BTBD1: variants seen among roughly 807,000 people sequenced by gnomAD.
BTBD1 encodes the protein BTB/POZ domain-containing protein 1.
Under a neutral mutation model 48.0 loss-of-function variants are expected in BTBD1, and 34 were observed. The ratio of observed to expected loss-of-function variants is 0.71; its 90% CI spans 0.54 to 0.94. The LOEUF is 0.94. Among genes scored for constraint, BTBD1 ranks in the 40% least tolerant of loss-of-function variants. BTBD1 has a pLI of 0.00. For synonymous variants in BTBD1, 261 were observed against 242.1 expected, an observed-to-expected ratio of 1.08 and a Z score of -0.72; for missense variants, 543 against 625.6, an observed-to-expected ratio of 0.87 and a Z score of 1.41.
At chr15:83,043,283 A>G (rs759283210) in intron 3 of BTBD1, among the ~76,000 whole-genome samples, 12 of 152,232 alleles carry the variant, frequency 7.9e-5, no homozygotes, top group Admixed American at 2.6e-4. Context: ...CTCTCATATT[A>G]AAGTGTGCCT....
At chr15:83,042,201 T>G (rs2032773930) in intron 3 of BTBD1, among the ~76,000 whole-genome samples, 1 of 151,618 alleles carries the variant, frequency 6.6e-6, no homozygotes, top group Non-Finnish European at 1.5e-5. Context: ...ATTTATCAAG[T>G]AAACTCAACT....
chr15:83,021,640 G>C (rs745671138), intron 5 of BTBD1, among the ~76,000 whole-genome samples: 1 of 152,002 alleles, frequency 6.6e-6, no homozygotes, highest in Non-Finnish European at 1.5e-5. Flanking sequence ...TGTAATCCCA[G>C]CTACTAGAGA....
At chr15:83,066,445 C>T (rs929237791) in intron 1 of BTBD1, among the ~76,000 whole-genome samples, 1 of 152,224 alleles carries the variant, frequency 6.6e-6, no homozygotes, top group Non-Finnish European at 1.5e-5. Context: ...ATCCTTGCCA[C>T]TTGTCTAATT....
intron 4 of BTBD1, among the ~76,000 whole-genome samples, chr15:83,033,064 C>T (rs2032555662): frequency 6.6e-6 from 1 of 150,658 alleles, no homozygotes; most frequent in Non-Finnish European, 1.5e-5. Context: ...AAATATCCTT[C>T]AAAAATGAAG....
chr15:83,066,141 TAAAA>T (rs543741856), intron 1 of BTBD1, among the ~76,000 whole-genome samples: 1 of 151,048 alleles, frequency 6.6e-6, no homozygotes, highest in South Asian at 2.1e-4. Flanking sequence ...AAAATAAAAA[TAAAA>T]AAAATTAGCC....
chr15:83,028,416 T>TA lies in BTBD1; in HGVS notation c.1055+1719dup, dbSNP rs1194853379. On this transcript the variant is annotated intron_variant, in intron 5 of 7. Transcript: ENST00000261721. The stretch of plus-strand genomic sequence containing the variant: ...TAAACTCTGTTTGGTCATACAGTGT[T>TA]ATTCTTCGAAGGTACAGATTCAATA... Among the ~76,000 whole-genome samples the TA allele has an allele frequency of 5.9e-5, 9 of 152,342 alleles. No homozygotes were observed. The South Asian group carries it at 1.9e-3, about 32-fold the overall frequency.
chr15:83,067,026 C>T lies in BTBD1; in HGVS notation c.126G>A (p.Arg42=), dbSNP rs762511924. 1.9e-6 allele frequency: 3 copies of T among 1,582,966 alleles called. 1 individual carries two copies. Among genetic ancestry groups the T allele is most frequent in the South Asian group, 2.3e-5 (2 of 88,528 alleles). ...SSLGPLLPLQ[R]EPLYNWQATK... is the part of the protein sequence containing the mutation. ...TCGCCTGCCAGTTGTAGAGAGGTTC[C>T]CGCTGCAGGGGGAGCAGGGGCCCCA... The change falls in exon 1 of 8, where the codon CGG becomes CGA. Residue 42 remains arginine, a synonymous_variant. Coordinates refer to ENST00000261721, the MANE Select transcript of BTBD1 (RefSeq NM_025238.4).
At chr15:83,049,490 T>C (rs117351684) in intron 3 of BTBD1, among the ~76,000 whole-genome samples, 255 of 152,344 alleles carry the variant, frequency 1.7e-3, no homozygotes, top group Non-Finnish European at 2.9e-3. Context: ...CTACTGCAAT[T>C]TGAAGTAATC....
chr15:83,032,720 G>A (rs2032542197), intron 4 of BTBD1, among the ~76,000 whole-genome samples: 1 of 151,998 alleles, frequency 6.6e-6, no homozygotes, highest in Non-Finnish European at 1.5e-5. Flanking sequence ...TGAACTTTGG[G>A]GACTTGGGGG....
At chr15:83,029,157 T>C (rs905262553) in intron 5 of BTBD1, among the ~76,000 whole-genome samples, 1 of 152,242 alleles carries the variant, frequency 6.6e-6, no homozygotes, top group Admixed American at 6.5e-5. Context: ...ACATTTTTAA[T>C]TTCCATGTTA....
chr15:83,025,631 G>A (rs1422240687), intron 5 of BTBD1, among the ~76,000 whole-genome samples: 2 of 151,832 alleles, frequency 1.3e-5, no homozygotes, highest in Admixed American at 6.6e-5. Context: ...CATATATAGT[G>A]ATATATAAAA....
chr15:83,059,987 A>T (rs1221967165), intron 1 of BTBD1, among the ~76,000 whole-genome samples: 1 of 152,198 alleles, frequency 6.6e-6, no homozygotes, highest in Non-Finnish European at 1.5e-5. Context: ...TTTTGGGTGC[A>T]CTGCAAATTA....
Position 83,066,742 on chromosome 15 carries a change from G to A in BTBD1, c.401+9C>T. On this transcript the variant is annotated intron_variant, in intron 1 of 7. Transcript: ENST00000261721. Reference sequence around the variant, plus strand: ...GGCCCGGCCCGGCCCGGCCCGCGCTGCCGCTCACCTCAGCAGCGCCAGGAA... The same window carrying A: ...GGCCCGGCCCGGCCCGGCCCGCGCTACCGCTCACCTCAGCAGCGCCAGGAA... 2 of 1,334,124 alleles carry A rather than the reference G, an allele frequency of 1.5e-6. No homozygotes were observed. Among genetic ancestry groups the A allele is most frequent in the South Asian group, 1.9e-5 (1 of 51,556 alleles). 82.6% of individuals were successfully genotyped at this position (1,334,124 alleles called of 1,614,324 possible).
intron 4 of BTBD1, among the ~76,000 whole-genome samples, chr15:83,040,207 T>C (rs2032723541): frequency 6.6e-6 from 1 of 151,816 alleles, no homozygotes; most frequent in South Asian, 2.1e-4. Flanking sequence ...ATGGAAACAA[T>C]AAGCACTGAG....
chr15:83,034,536 C>T (rs1163965827), intron 4 of BTBD1, among the ~76,000 whole-genome samples: 1 of 152,108 alleles, frequency 6.6e-6, no homozygotes, highest in Non-Finnish European at 1.5e-5. Flanking sequence ...ATTGCCTGAA[C>T]CCAGAAGGTG....
At chr15:83,050,933 C>T (rs1412706800) in intron 2 of BTBD1, among the ~76,000 whole-genome samples, 2 of 151,624 alleles carry the variant, frequency 1.3e-5, no homozygotes, top group African/African-American at 2.4e-5. Flanking sequence ...AGAATATGTA[C>T]TGTAGAATTC....
intron 1 of BTBD1, among the ~76,000 whole-genome samples, chr15:83,065,753 C>T (rs575338777): frequency 1.3e-5 from 2 of 152,184 alleles, no homozygotes; most frequent in African/African-American, 4.8e-5. Context: ...ACAATTCTTA[C>T]GCCTCCCTAA....
chr15:83,045,957 G>C (rs549253716), intron 3 of BTBD1, among the ~76,000 whole-genome samples: 1 of 151,946 alleles, frequency 6.6e-6, no homozygotes, highest in East Asian at 1.9e-4. Context: ...TCTTCCTTTA[G>C]CAAAAGGCTG....
intron 3 of BTBD1, among the ~76,000 whole-genome samples, chr15:83,049,021 C>T (rs972432632): frequency 1.3e-5 from 2 of 152,128 alleles, no homozygotes; most frequent in Admixed American, 6.5e-5. Context: ...ACTTGCCGAG[C>T]GCTTTCATAC....
Sources: gnomAD v4.1 joint callset for allele counts (sites outside exome capture counted in the v4.1 genomes callset) on GRCh38, gnomAD v4.1.1 for gene constraint, MANE v1.5 for transcripts, NCBI Gene and HGNC (gene_info 2026-07-23, HGNC 2026-07-21) for gene names.